The following GPC3 variants were observed in gnomAD, a reference collection of about 807,000 sequenced individuals.
GPC3 encodes glypican-3.
GPC3 carries 3 observed loss-of-function variants against 34.4 expected under a neutral mutation model. That is an observed-to-expected ratio of 0.09 (90% CI 0.04 to 0.23). The LOEUF is 0.23. Among genes scored for constraint, GPC3 ranks in the 10% least tolerant of loss-of-function variants. The pLI is 1.00. For synonymous variants in GPC3, 177 were observed against 174.0 expected (o/e 1.02, Z -0.13); for missense variants, 351 against 445.6 (o/e 0.79, Z 1.91).
At chrX:133,646,765 G>A (rs2070548868) in intron 6 of GPC3, among the ~76,000 whole-genome samples, 1 of 111,926 alleles carries the variant, frequency 8.9e-6, no homozygotes. Flanking sequence ...AGTAGGTGGG[G>A]AGTAGGCCAG....
At chrX:133,889,831 C>CTTTTTT (rs781203121) in intron 2 of GPC3, among the ~76,000 whole-genome samples, 5 of 75,792 alleles carry the variant, frequency 6.6e-5, no homozygotes, top group African/African-American at 1.9e-4. Flanking sequence ...TTCTAGCCTT[C>CTTTTTT]TTTTTTTTTT....
chrX:133,790,008 T>G (rs1156662957), intron 2 of GPC3, among the ~76,000 whole-genome samples: 1 of 111,727 alleles, frequency 9.0e-6, no homozygotes, highest in Non-Finnish European at 1.9e-5. Context: ...GTCAGTGAAT[T>G]GCAGGTTCCT....
chrX:133,823,940 C>T (rs893230158), intron 2 of GPC3, among the ~76,000 whole-genome samples: 1 of 102,031 alleles, frequency 9.8e-6, no homozygotes, highest in Non-Finnish European at 2.0e-5. Flanking sequence ...TGCCACTGCA[C>T]TCTAGCCTGG....
intron 2 of GPC3, among the ~76,000 whole-genome samples, chrX:133,770,159 C>G (rs969598723): frequency 1.8e-5 from 2 of 111,517 alleles, no homozygotes; most frequent in Non-Finnish European, 3.8e-5. Context: ...TGCCTGGGGT[C>G]CCAGCTACAC....
chrX:133,839,230 G>A (rs1339297381), intron 2 of GPC3, among the ~76,000 whole-genome samples: 1 of 111,878 alleles, frequency 8.9e-6, no homozygotes, highest in Non-Finnish European at 1.9e-5. Flanking sequence ...GAACCTCTTA[G>A]TGTTTTTCAT....
At chrX:133,976,647 T>C (rs978820453) in intron 1 of GPC3, among the ~76,000 whole-genome samples, 2 of 110,417 alleles carry the variant, frequency 1.8e-5, no homozygotes, top group Non-Finnish European at 3.8e-5. Context: ...GGGAGCAAAA[T>C]TGACTCACAC....
intron 2 of GPC3, among the ~76,000 whole-genome samples, chrX:133,835,051 A>G (rs992802805): frequency 8.9e-6 from 1 of 112,244 alleles, no homozygotes; most frequent in African/African-American, 3.2e-5. Flanking sequence ...TTTAAAATGT[A>G]AAGGCCCTAT....
chrX:133,909,831 C>T (rs759389485), intron 2 of GPC3, among the ~76,000 whole-genome samples: 6 of 111,281 alleles, frequency 5.4e-5, no homozygotes, highest in African/African-American at 2.0e-4. Context: ...CTCAAGGACT[C>T]CCAGTGAAGC....
chrX:133,591,130 A>G (rs2069844368), intron 7 of GPC3, among the ~76,000 whole-genome samples: 1 of 111,979 alleles, frequency 8.9e-6, no homozygotes, highest in African/African-American at 3.2e-5. Flanking sequence ...ATGTCGCAAA[A>G]GGTCTGTTCA....
intron 6 of GPC3, among the ~76,000 whole-genome samples, chrX:133,617,315 C>CT: frequency 8.9e-6 from 1 of 112,016 alleles, no homozygotes; most frequent in East Asian, 2.8e-4. Context: ...CTGTCAAAGA[C>CT]TTATCTTTGC....
chrX:133,924,759 A>G (rs1481277346), intron 2 of GPC3, among the ~76,000 whole-genome samples: 1 of 111,808 alleles, frequency 8.9e-6, no homozygotes. Flanking sequence ...ATGTTAGCCC[A>G]TTAGGACCTA....
At chrX:133,654,277 A>G (rs2070629777) in intron 6 of GPC3, among the ~76,000 whole-genome samples, 1 of 111,613 alleles carries the variant, frequency 9.0e-6, no homozygotes, top group Non-Finnish European at 1.9e-5. Context: ...AGCATGATAC[A>G]TATTCATAAA....
At chrX:133,911,594 C>A (rs2076200239) in intron 2 of GPC3, among the ~76,000 whole-genome samples, 2 of 111,973 alleles carry the variant, frequency 1.8e-5, no homozygotes, top group African/African-American at 6.5e-5. Flanking sequence ...AGATACCTTA[C>A]TAATAGAAGA....
chrX:133,792,436 G>A (rs892033214), intron 2 of GPC3, among the ~76,000 whole-genome samples: 3 of 111,646 alleles, frequency 2.7e-5, no homozygotes, highest in Non-Finnish European at 5.6e-5. Flanking sequence ...TAAGCCCCAA[G>A]ATCCTTCCCT....
intron 2 of GPC3, among the ~76,000 whole-genome samples, chrX:133,759,312 AC>A (rs1456139885): frequency 8.9e-6 from 1 of 112,092 alleles, no homozygotes. Context: ...CTGTAACAGC[AC>A]TGCAAAAGAA....
chrX:133,776,878 CTTTTTTTTT>C (rs10633635), intron 2 of GPC3, among the ~76,000 whole-genome samples: 1,073 of 79,622 alleles, frequency 0.013, 30 homozygotes, highest in African/African-American at 0.044. Flanking sequence ...CCTTTCTTTT[CTTTTTTTTT>C]TTTTTTTTTT....
At chrX:133,872,374 A>T (rs2075997404) in intron 2 of GPC3, among the ~76,000 whole-genome samples, 2 of 111,724 alleles carry the variant, frequency 1.8e-5, no homozygotes, top group African/African-American at 6.5e-5. Context: ...AAGCATCTTG[A>T]TGTCACTAAA....
At chrX:133,600,055 G>A (rs913543404) in intron 6 of GPC3, among the ~76,000 whole-genome samples, 1 of 111,343 alleles carries the variant, frequency 9.0e-6, no homozygotes, top group Non-Finnish European at 1.9e-5. Context: ...TATGCAATCC[G>A]GTATTTGAAC....
chrX:133,689,067 C>T (rs1040888445), intron 5 of GPC3, among the ~76,000 whole-genome samples: 4 of 111,068 alleles, frequency 3.6e-5, no homozygotes, highest in Non-Finnish European at 7.6e-5. Context: ...TTACACTACC[C>T]TTATTCTCTC....
Sources: allele counts gnomAD v4.1 joint callset (sites outside exome capture counted in the v4.1 genomes callset), GRCh38; gene constraint gnomAD v4.1.1; transcripts MANE v1.5; gene names NCBI Gene and HGNC (gene_info 2026-07-23, HGNC 2026-07-21).